The following NUP214 variants were observed in gnomAD, a reference collection of about 807,000 sequenced individuals.
NUP214 encodes nucleoporin 214.
NUP214 carries 79 observed loss-of-function variants against 196.2 expected under a neutral mutation model. The ratio of observed to expected loss-of-function variants is 0.40; its 90% CI spans 0.34 to 0.49. The LOEUF is 0.49. NUP214 is among the 20% of genes least tolerant of loss of function. The pLI is 0.58. For synonymous variants in NUP214, 1,020 were observed against 990.5 expected, an observed-to-expected ratio of 1.03 and a Z score of -0.56; for missense variants, 2,468 against 2,539.0, an observed-to-expected ratio of 0.97 and a Z score of 0.60.
At chr9:131,221,544 G>T (rs926357709) in intron 31 of NUP214, among the ~76,000 whole-genome samples, 3 of 152,088 alleles carry the variant, frequency 2.0e-5, no homozygotes, top group African/African-American at 7.2e-5. Context: ...ACAGGTTAAT[G>T]GGGGGGCCAC....
At chr9:131,126,633 C>CACCT (rs1831362508) in intron 1 of NUP214, among the ~76,000 whole-genome samples, 1 of 151,506 alleles carries the variant, frequency 6.6e-6, no homozygotes, top group African/African-American at 2.4e-5. Context: ...CTGCAACCTC[C>CACCT]ACCTCCCCGG....
rs1831324605 is a variant in NUP214 at position 131,125,663 on chromosome 9, G to A, written c.-42G>A. On this transcript the variant is annotated 5_prime_UTR_variant, in exon 1 of 36. Transcript: ENST00000359428. The surrounding 1 kb of genome is among the most constrained non-coding windows in gnomAD (Gnocchi z 4.1). ...GCCTGGGTTCCGTGGGCAAGGCCGT[G>A]GGAGGCAGCGTTGGCTGCTTCGACA... The A allele has an allele frequency of 6.5e-7, 1 of 1,546,334 alleles. No homozygotes were observed. The highest frequency in any genetic ancestry group is 1.7e-4 in the Middle Eastern group (1 of 5,964).
intron 21 of NUP214, among the ~76,000 whole-genome samples, chr9:131,173,621 A>G (rs1246903989): frequency 1.3e-5 from 2 of 151,854 alleles, no homozygotes; most frequent in African/African-American, 4.8e-5. Flanking sequence ...AGGACCGAGG[A>G]CATTCTTTCT....
At chr9:131,177,374 T>C (rs1833148332) in intron 23 of NUP214, among the ~76,000 whole-genome samples, 1 of 152,218 alleles carries the variant, frequency 6.6e-6, no homozygotes, top group African/African-American at 2.4e-5. Context: ...TGAAATCAAG[T>C]TGATCAAGTC....
chr9:131,222,075 T>A lies in NUP214; in HGVS notation c.5750-703T>A, dbSNP rs79716270. Among the ~76,000 whole-genome samples the A allele has an allele frequency of 3.9e-3, 597 of 152,334 alleles. 6 individuals carry two copies. Among genetic ancestry groups the A allele is most frequent in the African/African-American group, 0.014 (583 of 41,568 alleles). On this transcript the variant is annotated intron_variant, in intron 31 of 35. Coordinates refer to ENST00000359428, the MANE Select transcript of NUP214 (RefSeq NM_005085.4). The stretch of plus-strand genomic sequence containing the variant: ...CATAGTTGAGAGGGGGATGACCCCC[T>A]AGATAAGTATCTAAAAGGTCAAGGG...
At chr9:131,161,209 C>T (rs1337623682) in intron 18 of NUP214, among the ~76,000 whole-genome samples, 1 of 149,778 alleles carries the variant, frequency 6.7e-6, no homozygotes, top group African/African-American at 2.4e-5. Context: ...GATAGCACTT[C>T]TCTGTTTCAG....
At position 131,197,622 on chromosome 9, in the gene NUP214, C is replaced by G. The variant is rs1314205014; in HGVS notation, c.4128C>G (p.Ala1376=). ...SGVPSGFNFT[A]PPVLGKHTEP... is the part of the protein sequence containing the mutation. ...TGCCCTCAGGGTTTAATTTTACTGC[C>G]CCCCCGGTGTTAGGGAAGCACACGG... The change falls in exon 29 of 36, where the codon GCC becomes GCG. Residue 1376 remains alanine, a synonymous_variant. Transcript: ENST00000359428. 6.2e-7 allele frequency: 1 copy of G among 1,614,084 alleles called. No homozygotes were observed. Among genetic ancestry groups the G allele is most frequent in the South Asian group, 1.1e-5 (1 of 91,082 alleles).
At chr9:131,228,510 C>A in intron 33 of NUP214, 179 bp downstream of exon 33, 2 of 549,214 alleles carry the variant, frequency 3.6e-6, no homozygotes, top group Non-Finnish European at 6.0e-6. Context: ...TTCGTTCAAG[C>A]CAGGCTTTGT....
At chr9:131,222,741 TCTCCCTCTGAC>T (rs1267485612) in intron 31 of NUP214, 26 bp from the exon 32 acceptor site, 1 of 1,593,076 alleles carries the variant, frequency 6.3e-7, no homozygotes, top group South Asian at 1.1e-5. Flanking sequence ...AGGACATTTG[TCTCCCTCTGAC>T]CTCCCTCACA....
intron 4 of NUP214, among the ~76,000 whole-genome samples, chr9:131,130,132 G>GTTTTGTTTTTTT (rs1564176192): frequency 1.5e-4 from 7 of 46,610 alleles, no homozygotes; most frequent in Admixed American, 3.3e-4. Flanking sequence ...ATGATTTCTG[G>GTTTTGTTTTTTT]TTTTGTTTTT....
intron 34 of NUP214, among the ~76,000 whole-genome samples, 199 bp downstream of exon 34, chr9:131,230,968 C>G (rs559684470): frequency 6.6e-6 from 1 of 152,052 alleles, no homozygotes; most frequent in South Asian, 2.1e-4. Context: ...TGAGACTAGC[C>G]TGGGCAACAT....
chr9:131,176,241 A>T (rs918921850), intron 23 of NUP214, among the ~76,000 whole-genome samples: 1 of 152,174 alleles, frequency 6.6e-6, no homozygotes, highest in African/African-American at 2.4e-5. Flanking sequence ...TATCCCACCA[A>T]TAAGTAGCAG....
intron 18 of NUP214, chr9:131,162,747 A>G (rs1260509112): frequency 2.0e-6 from 1 of 495,002 alleles, no homozygotes; most frequent in Non-Finnish European, 3.6e-6. Context: ...CACCTAATGT[A>G]TGCTGTCCTT....
In NUP214 at chr9:131,198,128, A is replaced by C. The variant is rs1588161746; in HGVS notation, c.4634A>C (p.Gln1545Pro). 2 of 1,614,214 alleles carry C rather than the reference A, an allele frequency of 1.2e-6. No individual in the cohort carries two copies. The highest frequency in any genetic ancestry group is 1.7e-6 in the Non-Finnish European group (2 of 1,180,028). The stretch of plus-strand genomic sequence containing the variant: ...GTTAAAAAAGAACCTGTTCTTGCCC[A>C]GCCTGCAGTCAGCAACTCTGGCACT... ...DSVKKEPVLA[Q>P]PAVSNSGTAA... The change falls in exon 29 of 36, where the codon CAG (glutamine) becomes CCG (proline). Residue 1545 changes from glutamine (Q) to proline (P), a missense_variant. Coordinates refer to ENST00000359428, the MANE Select transcript of NUP214 (RefSeq NM_005085.4).
In NUP214 at chr9:131,125,968, ACC is replaced by A. The variant is rs775265619; in HGVS notation, c.45+221_45+222del. ...TGGTCTCGTGCACGGCTGTTGAGTT[ACC>A]CTAGCTACTTCCTGGGGCGGTCACA... On this transcript the variant is annotated intron_variant, in intron 1 of 35. Coordinates refer to ENST00000359428, the MANE Select transcript of NUP214 (RefSeq NM_005085.4). This position sits in a 1 kb window ranked among gnomAD's most constrained non-coding sequence, Gnocchi z 4.1. The A allele has an allele frequency of 5.1e-6, 3 of 586,702 alleles. No individual in the cohort carries two copies. The South Asian group carries it at 6.4e-5, about 12-fold the overall frequency. 36.3% of individuals were successfully genotyped at this position (586,702 alleles called of 1,614,324 possible).
chr9:131,164,111 A>T lies in NUP214; in HGVS notation c.2860A>T (p.Arg954Trp). Residue 954 changes from arginine (R) to tryptophan (W), a missense_variant, in exon 21 of 36, where the codon AGG becomes TGG. Arg to Trp is a moderately radical substitution (Grantham distance 101). Around this residue, in one of 5 missense-constraint regions of NUP214, gnomAD observed 1,801 missense variants for 1,779.4 expected, o/e 1.01. Coordinates refer to ENST00000359428, the MANE Select transcript of NUP214 (RefSeq NM_005085.4). ...QAQLRNFLAKRKTPPVRSTAP... is the reference protein window; with the variant it reads ...QAQLRNFLAKWKTPPVRSTAP... Reference sequence around the variant, plus strand: ...ACAACTGAGAAACTTCTTGGCCAAGAGGAAGACCCCACCAGTGAGATCCAC... The same window carrying T: ...ACAACTGAGAAACTTCTTGGCCAAGTGGAAGACCCCACCAGTGAGATCCAC... 6.2e-7 allele frequency: 1 copy of T among 1,614,134 alleles called. No homozygotes were observed. The highest frequency in any genetic ancestry group is 8.5e-7 in the Non-Finnish European group (1 of 1,180,030).
intron 18 of NUP214, among the ~76,000 whole-genome samples, chr9:131,161,259 CT>C (rs34588166): frequency 0.34 from 46,230 of 135,876 alleles, 7,073 homozygotes; most frequent in Middle Eastern, 0.42. Context: ...ATTGAAATGC[CT>C]TTTTTTTTTT....
intron 21 of NUP214, 99 bp downstream of exon 21, chr9:131,164,243 G>A: frequency 9.4e-7 from 1 of 1,060,770 alleles, no homozygotes; most frequent in Non-Finnish European, 1.4e-6. Context: ...GTGAGCTAGG[G>A]TGCTGTGTAT....
In NUP214 at chr9:131,156,208, C is replaced by CT. The variant is rs534800368; in HGVS notation, c.2437-3174dup. 4.4e-3 allele frequency among the ~76,000 whole-genome samples: 633 copies of CT among 142,992 alleles called. 5 individuals carry two copies. The highest frequency in any genetic ancestry group is 0.016 in the African/African-American group (608 of 38,312). 93.8% of individuals were successfully genotyped at this position (142,992 alleles called of 152,430 possible). On this transcript the variant is annotated intron_variant, in intron 17 of 35. Transcript: ENST00000359428. ...AGTACAGTGGCACGATCTCGGCTCA[C>CT]TGCAAGCTCCACCTCCCGGGTTCAC...
Sources: allele counts gnomAD v4.1 joint callset (sites outside exome capture counted in the v4.1 genomes callset), GRCh38; gene constraint gnomAD v4.1.1; regional missense constraint gnomAD v4.1.1; non-coding constraint Gnocchi (gnomAD v3.1); transcripts MANE v1.5; gene names NCBI Gene and HGNC (gene_info 2026-07-23, HGNC 2026-07-21).